AGTRAP: variants seen among roughly 807,000 people sequenced by gnomAD.
The protein encoded by AGTRAP is angiotensin II receptor associated protein.
In AGTRAP, 7 loss-of-function variants were observed where a neutral mutation model predicts 15.2. That is an observed-to-expected ratio of 0.46 (90% CI 0.26 to 0.87). The LOEUF is 0.87. Ranked by LOEUF, AGTRAP falls within the 40% of genes least tolerant of loss-of-function variation. The pLI is 0.15. For missense variants in AGTRAP, 187 were observed against 213.4 expected, an observed-to-expected ratio of 0.88 and a Z score of 0.77; for synonymous variants, 74 against 89.6, an observed-to-expected ratio of 0.83 and a Z score of 0.98.
At chr1:11,738,757 A>G (rs1641957137) in intron 1 of AGTRAP, among the ~76,000 whole-genome samples, 1 of 152,130 alleles carries the variant, frequency 6.6e-6, no homozygotes, top group Admixed American at 6.6e-5. Flanking sequence ...AGTACCCACG[A>G]AGTTAACCGC....
Position 11,750,133 on chromosome 1 carries a change from G to T in AGTRAP, c.421G>T (p.Ala141Ser), listed in dbSNP as rs1642280290. The change falls in exon 5 of 5, where the codon GCG becomes TCG. Residue 141 changes from alanine to serine, a missense_variant. Ala to Ser is a moderately conservative substitution (Grantham distance 99, BLOSUM62 1). Transcript: ENST00000314340. The stretch of plus-strand genomic sequence containing the variant: ...CTACCAGACGATTGACTCAGCAGAG[G>T]CGCCCGCAGATCCCTTTGCAGTCCC... Reference protein sequence around the residue: ...SAYQTIDSAEAPADPFAVPEG... With the variant: ...SAYQTIDSAESPADPFAVPEG... The T allele has an allele frequency of 6.2e-7, 1 of 1,613,926 alleles. No homozygotes were observed. The highest frequency in any genetic ancestry group is 1.7e-5 in the Admixed American group (1 of 59,998).
intron 1 of AGTRAP, among the ~76,000 whole-genome samples, chr1:11,739,688 G>A (rs1038576016): frequency 1.3e-5 from 2 of 152,202 alleles, no homozygotes; most frequent in African/African-American, 2.4e-5. Context: ...ACAGTTACAC[G>A]GATGACATGA....
Position 11,745,708 on chromosome 1 carries a change from C to T in AGTRAP, c.28-95C>T, listed in dbSNP as rs982883119. ...TACTGAGGCCCTCAGAGGTGCCAGGCGCAGGGGCGTCCTGTGTTTTCTGCA... is the reference window on the plus strand; with the variant it reads ...TACTGAGGCCCTCAGAGGTGCCAGGTGCAGGGGCGTCCTGTGTTTTCTGCA... On this transcript the variant is annotated intron_variant, in intron 1 of 4. Coordinates refer to ENST00000314340, the MANE Select transcript of AGTRAP (RefSeq NM_020350.5). This position sits in a 1 kb window ranked among gnomAD's most constrained non-coding sequence, Gnocchi z 4.2. The T allele has an allele frequency of 8.8e-6, 12 of 1,364,868 alleles. No homozygotes were observed. The highest frequency in any genetic ancestry group is 2.3e-5 in the East Asian group (1 of 43,606). The allele number at this position is 1,364,868 out of a possible 1,614,324, so 84.5% of individuals were successfully genotyped here.
chr1:11,745,659 CT>C lies in AGTRAP; in HGVS notation c.28-143del. ...TTCACTCCTGGGCCACCTGCAGTTG[CT>C]GGTGTGCCTTTTCAACAGACATTAC... On this transcript the variant is annotated intron_variant, in intron 1 of 4. Transcript: ENST00000314340. The surrounding 1 kb of genome is among the most constrained non-coding windows in gnomAD (Gnocchi z 4.2). 1 of 861,618 alleles carries C rather than the reference CT, an allele frequency of 1.2e-6. No homozygotes were observed. Among genetic ancestry groups the C allele is most frequent in the Non-Finnish European group, 1.9e-6 (1 of 517,106 alleles). The allele number at this position is 861,618 out of a possible 1,614,324, so 53.4% of individuals were successfully genotyped here.
In AGTRAP at chr1:11,745,662, G is replaced by C; in HGVS notation, c.28-141G>C. The C allele has an allele frequency of 1.1e-6, 1 of 880,588 alleles. No homozygotes were observed. The highest frequency in any genetic ancestry group is 1.9e-6 in the Non-Finnish European group (1 of 531,682). 54.5% of individuals were successfully genotyped at this position (880,588 alleles called of 1,614,324 possible). The stretch of plus-strand genomic sequence containing the variant: ...ACTCCTGGGCCACCTGCAGTTGCTG[G>C]TGTGCCTTTTCAACAGACATTACTG... On this transcript the variant is annotated intron_variant, in intron 1 of 4. Coordinates refer to ENST00000314340, the MANE Select transcript of AGTRAP (RefSeq NM_020350.5). This position sits in a 1 kb window ranked among gnomAD's most constrained non-coding sequence, Gnocchi z 4.2.
intron 1 of AGTRAP, among the ~76,000 whole-genome samples, chr1:11,744,863 T>A (rs964578395): frequency 9.9e-5 from 15 of 152,200 alleles, no homozygotes; most frequent in African/African-American, 3.4e-4. Flanking sequence ...TTAATTAATT[T>A]ACTTATTTTT....
intron 2 of AGTRAP, chr1:11,746,121 G>A: frequency 6.2e-7 from 1 of 1,612,784 alleles, no homozygotes. Context: ...CTTTTAATCT[G>A]TTGAGCTTCT....
intron 1 of AGTRAP, chr1:11,744,609 G>C (rs1162197550): frequency 7.0e-6 from 5 of 713,248 alleles, no homozygotes; most frequent in Non-Finnish European, 1.3e-5. Flanking sequence ...GGCCTCTTCT[G>C]ATTTCAGAGC....
chr1:11,748,130 G>C (rs1642215648), intron 3 of AGTRAP, among the ~76,000 whole-genome samples: 2 of 152,212 alleles, frequency 1.3e-5, no homozygotes, highest in African/African-American at 4.8e-5. Context: ...CTCTATGGAG[G>C]TTCTAGAGCC....
Position 11,750,612 on chromosome 1 carries a change from G to C in AGTRAP, c.*420G>C, listed in dbSNP as rs1408655557. 1 of 424,240 alleles carries C rather than the reference G, an allele frequency of 2.4e-6. No individual in the cohort carries two copies. Among genetic ancestry groups the C allele is most frequent in the African/African-American group, 2.0e-5 (1 of 50,510 alleles). 26.3% of individuals were successfully genotyped at this position (424,240 alleles called of 1,614,324 possible). ...CAGGTCCTGCTCAGCCCGAGGAGCAGTCTGGCATGGGAGTGAGGCCCCGTC... is the reference window on the plus strand; with the variant it reads ...CAGGTCCTGCTCAGCCCGAGGAGCACTCTGGCATGGGAGTGAGGCCCCGTC... On this transcript the variant is annotated 3_prime_UTR_variant, in exon 5 of 5. Coordinates refer to ENST00000314340, the MANE Select transcript of AGTRAP (RefSeq NM_020350.5).
chr1:11,747,595 G>T (rs1161450732), intron 3 of AGTRAP, 50 bp downstream of exon 3: 4 of 1,570,938 alleles, frequency 2.5e-6, no homozygotes, highest in Non-Finnish European at 3.5e-6. Flanking sequence ...GCAGCACAGG[G>T]CAAGACATAG....
intron 1 of AGTRAP, chr1:11,744,655 T>C: frequency 1.5e-6 from 1 of 679,806 alleles, no homozygotes; most frequent in Non-Finnish European, 2.7e-6. Context: ...CCTCCCACCC[T>C]TGTGTTACAG....
chr1:11,744,287 G>A (rs1268379859), intron 1 of AGTRAP, among the ~76,000 whole-genome samples: 1 of 152,072 alleles, frequency 6.6e-6, no homozygotes, highest in Non-Finnish European at 1.5e-5. Flanking sequence ...AATTTAAAAA[G>A]AAAAAAGTAG....
At chr1:11,748,223 C>T (rs891707797) in intron 3 of AGTRAP, among the ~76,000 whole-genome samples, 192 bp from the exon 4 acceptor site, 4 of 152,192 alleles carry the variant, frequency 2.6e-5, no homozygotes, top group African/African-American at 9.7e-5. Flanking sequence ...CCTGGGCCCC[C>T]GGCATCCCTG....
intron 4 of AGTRAP, among the ~76,000 whole-genome samples, 188 bp downstream of exon 4, chr1:11,748,798 G>T (rs762458566): frequency 1.3e-5 from 2 of 152,192 alleles, no homozygotes; most frequent in Non-Finnish European, 2.9e-5. Context: ...CAGGAGCCCA[G>T]GGGTCCCCTG....
intron 1 of AGTRAP, among the ~76,000 whole-genome samples, chr1:11,741,064 C>T (rs867400839): frequency 5.9e-5 from 9 of 151,986 alleles, no homozygotes; most frequent in African/African-American, 2.2e-4. Context: ...CCCCAACTTC[C>T]TGTCCCTCCC....
At position 11,750,549 on chromosome 1, in the gene AGTRAP, C is replaced by G. The variant is rs1370375079; in HGVS notation, c.*357C>G. The G allele has an allele frequency of 3.8e-6, 2 of 523,396 alleles. No homozygotes were observed. Among genetic ancestry groups the G allele is most frequent in the Non-Finnish European group, 6.8e-6 (2 of 292,922 alleles). 32.4% of individuals were successfully genotyped at this position (523,396 alleles called of 1,614,324 possible). A position where few individuals can be genotyped will look rare whatever the true frequency, so the allele number is the denominator to read the frequency against. ...CTGCTGATGCCCCCTCAGGCCTCCC[C>G]CAAGTTTGCTGGGCTTTGGTGGAAG... On this transcript the variant is annotated 3_prime_UTR_variant, in exon 5 of 5. Coordinates refer to ENST00000314340, the MANE Select transcript of AGTRAP (RefSeq NM_020350.5).
At chr1:11,744,674 T>C in intron 1 of AGTRAP, 2 of 656,466 alleles carry the variant, frequency 3.0e-6, no homozygotes, top group Non-Finnish European at 5.7e-6. Context: ...AGGAAAGGGG[T>C]CCCAATCCAG....
chr1:11,737,708 G>T (rs1641933417), intron 1 of AGTRAP, among the ~76,000 whole-genome samples: 1 of 152,160 alleles, frequency 6.6e-6, no homozygotes, highest in Non-Finnish European at 1.5e-5. Flanking sequence ...GGCTGTTTCT[G>T]TCCTTTGGGA....
Sources: gnomAD v4.1 joint callset for allele counts (sites outside exome capture counted in the v4.1 genomes callset) on GRCh38, gnomAD v4.1.1 for gene constraint, Gnocchi (gnomAD v3.1) non-coding constraint, MANE v1.5 for transcripts, NCBI Gene and HGNC (gene_info 2026-07-23, HGNC 2026-07-21) for gene names.